SOX6: variants seen among roughly 807,000 people sequenced by gnomAD.
SOX6 encodes the protein SRY-box transcription factor 6.
In SOX6, 11 loss-of-function variants were observed where a neutral mutation model predicts 97.8. That is an observed-to-expected ratio of 0.11 (90% confidence interval 0.07 to 0.19). The LOEUF (loss-of-function observed/expected upper bound fraction) is 0.19, where lower values mean the gene tolerates loss of function less well. Among genes scored for constraint, SOX6 ranks in the 10% least tolerant of loss-of-function variants. SOX6 has a pLI of 1.00. For missense variants in SOX6, 810 were observed against 1,039.5 expected, an observed-to-expected ratio of 0.78 and a Z score of 3.04; for synonymous variants, 360 against 371.4, an observed-to-expected ratio of 0.97 and a Z score of 0.35.
At chr11:16,723,063 A>G (rs1848278727) in intron 2 of SOX6, among the ~76,000 whole-genome samples, 1 of 152,228 alleles carries the variant, frequency 6.6e-6, no homozygotes, top group African/African-American at 2.4e-5. Flanking sequence ...TAGCAAAGAC[A>G]TGAAATCAAC....
chr11:16,051,416 T>C (rs1847682850), intron 10 of SOX6, among the ~76,000 whole-genome samples: 1 of 152,150 alleles, frequency 6.6e-6, no homozygotes, highest in African/African-American at 2.4e-5. Context: ...AGAAAATAAG[T>C]CTATTGTTTG....
At chr11:16,531,317 T>C (rs1017169316) in intron 4 of SOX6, among the ~76,000 whole-genome samples, 3 of 151,618 alleles carry the variant, frequency 2.0e-5, no homozygotes, top group African/African-American at 7.2e-5. Flanking sequence ...AGCTATCCAG[T>C]ATTAAAATGC....
chr11:16,051,098 T>C (rs1590161194), intron 10 of SOX6, among the ~76,000 whole-genome samples: 1 of 151,482 alleles, frequency 6.6e-6, no homozygotes, highest in East Asian at 1.9e-4. Context: ...ACTAATATCA[T>C]TGATTAAGGG....
At chr11:16,133,707 G>C (rs1849881659) in intron 6 of SOX6, among the ~76,000 whole-genome samples, 1 of 152,070 alleles carries the variant, frequency 6.6e-6, no homozygotes, top group African/African-American at 2.4e-5. Flanking sequence ...TGTTTGTTTT[G>C]AGACGGAGTC....
intron 4 of SOX6, among the ~76,000 whole-genome samples, chr11:16,227,136 T>C (rs1852710998): frequency 6.6e-6 from 1 of 152,228 alleles, no homozygotes; most frequent in Non-Finnish European, 1.5e-5. Flanking sequence ...AAAATAATGT[T>C]AGATGTTTAC....
Position 16,377,030 on chromosome 11 carries a change from T to A in SOX6, c.-4-35778A>T, listed in dbSNP as rs1193945712. 2.7e-5 allele frequency among the ~76,000 whole-genome samples: 4 copies of A among 147,016 alleles called. No individual in the cohort carries two copies. The East Asian group carries it at 7.9e-4, about 29-fold the overall frequency. On this transcript the variant is annotated intron_variant, in intron 1 of 15. Transcript: ENST00000396356. ...CAACCTACAAAGGAATTCTTTTATT[T>A]AAAAAAAAAAAGTCAAGTTGTTAGT...
At chr11:16,044,486 G>C (rs568318769) in intron 12 of SOX6, among the ~76,000 whole-genome samples, 1 of 152,038 alleles carries the variant, frequency 6.6e-6, no homozygotes, top group Non-Finnish European at 1.5e-5. Flanking sequence ...CTTTGGCTCA[G>C]AAGAAAATCT....
chr11:16,327,383 G>A (rs1436214064), intron 2 of SOX6, among the ~76,000 whole-genome samples: 2 of 151,898 alleles, frequency 1.3e-5, no homozygotes, highest in Admixed American at 1.3e-4. Flanking sequence ...ATACAGTCAT[G>A]ATAACCACTG....
Position 16,432,063 on chromosome 11 carries a change from A to G in SOX6, c.-5+44252T>C, listed in dbSNP as rs560583814. On this transcript the variant is annotated intron_variant, in intron 1 of 15. Coordinates refer to the SOX6 transcript ENST00000396356. ...CAATCACCACTAAGTCCTACCAATT[A>G]TAATTTCTCTACATATTCAACTGGC... is the stretch of plus-strand genomic sequence containing the variant. 2.6e-4 allele frequency among the ~76,000 whole-genome samples: 40 copies of G among 152,198 alleles called. No individual in the cohort carries two copies. The South Asian group carries it at 6.8e-3, about 26-fold the overall frequency.
intron 4 of SOX6, among the ~76,000 whole-genome samples, chr11:16,552,121 C>A (rs1053879326): frequency 6.6e-6 from 1 of 151,898 alleles, no homozygotes; most frequent in Non-Finnish European, 1.5e-5. Flanking sequence ...TATAGTAATG[C>A]CTAAAATTTT....
chr11:16,716,636 A>G (rs1715088513), intron 2 of SOX6, among the ~76,000 whole-genome samples: 1 of 152,164 alleles, frequency 6.6e-6, no homozygotes, highest in African/African-American at 2.4e-5. Flanking sequence ...ATATACAAAA[A>G]TGTTCATAGC....
At chr11:16,301,446 C>T (rs557185794) in intron 3 of SOX6, among the ~76,000 whole-genome samples, 76 of 152,188 alleles carry the variant, frequency 5.0e-4, no homozygotes, top group Non-Finnish European at 9.4e-4. Context: ...ATCTGAAATA[C>T]GTGGAGAGAT....
chr11:16,068,797 T>G (rs1032028165), intron 9 of SOX6, among the ~76,000 whole-genome samples: 1 of 152,236 alleles, frequency 6.6e-6, no homozygotes, highest in African/African-American at 2.4e-5. Context: ...GACTACTGCC[T>G]CCTTTGTGCT....
chr11:16,357,139 G>T (rs1329820584), upstream of SOX6, among the ~76,000 whole-genome samples: 1 of 152,056 alleles, frequency 6.6e-6, no homozygotes, highest in African/African-American at 2.4e-5. Flanking sequence ...GACCTCATGA[G>T]GTCATCATTG....
At chr11:16,701,589 A>C (rs578249216) in intron 3 of SOX6, among the ~76,000 whole-genome samples, 1 of 152,154 alleles carries the variant, frequency 6.6e-6, no homozygotes, top group Non-Finnish European at 1.5e-5. Flanking sequence ...AAGGATATGC[A>C]ACTCACGCCT....
At chr11:16,474,961 T>G (rs2133119270) in intron 1 of SOX6, among the ~76,000 whole-genome samples, 1 of 152,350 alleles carries the variant, frequency 6.6e-6, no homozygotes, top group Non-Finnish European at 1.5e-5. Flanking sequence ...TTGCTGCAGC[T>G]TCTCCATCAG....
chr11:16,389,969 T>TA (rs536056301), intron 1 of SOX6, among the ~76,000 whole-genome samples: 2,899 of 41,810 alleles, frequency 0.069, 495 homozygotes, highest in African/African-American at 0.22. Context: ...GACTCCGTCT[T>TA]AAAAAAAAAA....
intron 6 of SOX6, among the ~76,000 whole-genome samples, chr11:16,121,732 G>T (rs1336734775): frequency 2.0e-5 from 3 of 151,916 alleles, no homozygotes; most frequent in Non-Finnish European, 4.4e-5. Flanking sequence ...TTATAAAATG[G>T]ATGATAAATG....
At chr11:16,638,554 A>G (rs1446513371) in intron 3 of SOX6, among the ~76,000 whole-genome samples, 1 of 152,044 alleles carries the variant, frequency 6.6e-6, no homozygotes, top group Non-Finnish European at 1.5e-5. Context: ...AAGTGTTCCT[A>G]TTTCTCCACA....
Sources: allele counts gnomAD v4.1 joint callset (sites outside exome capture counted in the v4.1 genomes callset), GRCh38; gene constraint gnomAD v4.1.1; transcripts MANE v1.5; gene names NCBI Gene and HGNC (gene_info 2026-07-23, HGNC 2026-07-21).